Variants in MAP7 observed in about 807,000 individuals in gnomAD.
The protein encoded by MAP7 is microtubule associated protein 7, also known as ensconsin.
Under a neutral mutation model 94.8 loss-of-function variants are expected in MAP7, and 52 were observed. The ratio of observed to expected loss-of-function variants is 0.55; its 90% CI spans 0.44 to 0.69. MAP7 has a LOEUF of 0.69. MAP7 is among the 30% of genes least tolerant of loss of function. The pLI, the probability that MAP7 is intolerant of heterozygous loss-of-function variation, is 0.00. For missense variants in MAP7, 940 were observed against 964.6 expected (o/e 0.97, Z 0.34); for synonymous variants, 350 against 357.0 (o/e 0.98, Z 0.22).
intron 1 of MAP7, among the ~76,000 whole-genome samples, chr6:136,544,272 G>A (rs895987304): frequency 6.6e-6 from 1 of 152,130 alleles, no homozygotes; most frequent in Non-Finnish European, 1.5e-5. Context: ...CCTATTCAAG[G>A]ATTTGTAATT....
chr6:136,461,953 G>A (rs1805377863), intron 1 of MAP7, among the ~76,000 whole-genome samples: 1 of 151,982 alleles, frequency 6.6e-6, no homozygotes, highest in South Asian at 2.1e-4. Context: ...AGTTTTAAAA[G>A]GCCAATTGGC....
chr6:136,473,975 G>A (rs1256887268), intron 1 of MAP7, among the ~76,000 whole-genome samples: 3 of 152,018 alleles, frequency 2.0e-5, no homozygotes, highest in South Asian at 4.2e-4. Flanking sequence ...ACAATATTGG[G>A]GGTGGGAGGA....
chr6:136,492,082 C>T (rs922448582), intron 1 of MAP7, among the ~76,000 whole-genome samples: 1 of 152,120 alleles, frequency 6.6e-6, no homozygotes, highest in Non-Finnish European at 1.5e-5. Context: ...GACAGAGGTC[C>T]CCTCTCTGGG....
At chr6:136,435,216 C>T (rs1582903416) in intron 1 of MAP7, among the ~76,000 whole-genome samples, 1 of 152,136 alleles carries the variant, frequency 6.6e-6, no homozygotes, top group South Asian at 2.1e-4. Flanking sequence ...GATACCTTCT[C>T]CTAGAAGAAG....
At chr6:136,405,181 T>C (rs1667067020) in intron 3 of MAP7, among the ~76,000 whole-genome samples, 1 of 152,226 alleles carries the variant, frequency 6.6e-6, no homozygotes, top group Non-Finnish European at 1.5e-5. Flanking sequence ...CGTGCCAAGC[T>C]GTTCTAGATA....
intron 1 of MAP7, among the ~76,000 whole-genome samples, chr6:136,531,706 A>C (rs1452464547): frequency 6.7e-6 from 1 of 148,270 alleles, no homozygotes; most frequent in East Asian, 2.0e-4. Context: ...AGACGTAAAA[A>C]CAGGAATATG....
intron 3 of MAP7, among the ~76,000 whole-genome samples, chr6:136,396,277 C>T (rs1052100257): frequency 2.0e-5 from 3 of 151,994 alleles, no homozygotes; most frequent in Non-Finnish European, 2.9e-5. Flanking sequence ...TTACCTCCTT[C>T]GTTACATTTA....
At chr6:136,487,752 T>G (rs1382563678) in intron 1 of MAP7, among the ~76,000 whole-genome samples, 2 of 151,866 alleles carry the variant, frequency 1.3e-5, no homozygotes, top group Non-Finnish European at 2.9e-5. Context: ...ATCAGAAAAA[T>G]GCATGTTACA....
At chr6:136,540,146 G>T (rs1054113027) in intron 1 of MAP7, among the ~76,000 whole-genome samples, 1 of 152,176 alleles carries the variant, frequency 6.6e-6, no homozygotes, top group Non-Finnish European at 1.5e-5. Flanking sequence ...ATGCGGTGAG[G>T]AGAAACAAGA....
chr6:136,503,787 G>T (rs946771892), intron 1 of MAP7, among the ~76,000 whole-genome samples: 4 of 152,230 alleles, frequency 2.6e-5, no homozygotes, highest in African/African-American at 7.2e-5. Context: ...GGACTGCCAT[G>T]AGCTGCAGGC....
intron 1 of MAP7, among the ~76,000 whole-genome samples, chr6:136,479,335 C>T (rs1253105362): frequency 2.6e-5 from 4 of 152,098 alleles, no homozygotes; most frequent in African/African-American, 7.2e-5. Context: ...TCCTAAAAAA[C>T]TGGGAATAGA....
intron 1 of MAP7, among the ~76,000 whole-genome samples, chr6:136,504,771 C>T (rs1166061845): frequency 6.6e-6 from 1 of 152,242 alleles, no homozygotes; most frequent in Non-Finnish European, 1.5e-5. Context: ...ACCTCTGCCT[C>T]CCAGGTTCAA....
At chr6:136,462,388 CTGATT>C (rs1174127719) in intron 1 of MAP7, among the ~76,000 whole-genome samples, 6 of 152,180 alleles carry the variant, frequency 3.9e-5, no homozygotes, top group African/African-American at 9.6e-5. Context: ...AATGTCCTTC[CTGATT>C]TAAGTTTCTC....
At position 136,421,911 on chromosome 6, in the gene MAP7, G is replaced by C. The variant is rs143044360; in HGVS notation, c.68-112C>G. 1.6e-5 allele frequency: 12 copies of C among 763,344 alleles called. No homozygotes were observed. In the East Asian group the frequency reaches 3.0e-4, roughly 19 times the overall value. 47.3% of individuals were successfully genotyped at this position (763,344 alleles called of 1,614,324 possible). On this transcript the variant is annotated intron_variant, in intron 1 of 17. Transcript: ENST00000354570. ...ACCTATGTACCAGGTTCTTAGGCTA[G>C]ATTAAGGAAATGAAAAGATGAAGTA...
intron 15 of MAP7, among the ~76,000 whole-genome samples, chr6:136,357,712 T>C (rs969969072): frequency 3.3e-5 from 5 of 152,172 alleles, no homozygotes; most frequent in African/African-American, 4.8e-5. Flanking sequence ...TGCCCAGTCT[T>C]GAACTCCTGA....
intron 3 of MAP7, among the ~76,000 whole-genome samples, chr6:136,398,291 A>T (rs1026360681): frequency 1.3e-5 from 2 of 152,206 alleles, no homozygotes; most frequent in Admixed American, 6.5e-5. Flanking sequence ...TGTTCCCCCA[A>T]GTTACTATGG....
chr6:136,470,300 C>T (rs1356657653), intron 1 of MAP7, among the ~76,000 whole-genome samples: 4 of 151,882 alleles, frequency 2.6e-5, no homozygotes, highest in African/African-American at 9.7e-5. Context: ...TATCTAGTAG[C>T]AGTCCTGCTT....
intron 10 of MAP7, among the ~76,000 whole-genome samples, chr6:136,365,440 T>G (rs1386074982): frequency 6.6e-6 from 1 of 152,192 alleles, no homozygotes; most frequent in Non-Finnish European, 1.5e-5. Context: ...GTGGGTCTTC[T>G]GGAAAAAATT....
At chr6:136,536,408 A>G (rs1288030183) in intron 1 of MAP7, among the ~76,000 whole-genome samples, 1 of 152,112 alleles carries the variant, frequency 6.6e-6, no homozygotes, top group Non-Finnish European at 1.5e-5. Flanking sequence ...CACTTTTCAT[A>G]TCCATGACCT....
Sources: allele counts gnomAD v4.1 joint callset (sites outside exome capture counted in the v4.1 genomes callset), GRCh38; gene constraint gnomAD v4.1.1; transcripts MANE v1.5; gene names NCBI Gene and HGNC (gene_info 2026-07-23, HGNC 2026-07-21).